Variants in NLRP8 observed in about 807,000 individuals in gnomAD.
NLRP8 encodes NLR family pyrin domain containing 8.
Under a neutral mutation model 88.7 loss-of-function variants are expected in NLRP8, and 86 were observed. That is an observed-to-expected ratio of 0.97 (90% confidence interval 0.81 to 1.16). NLRP8 has a LOEUF of 1.16. Among genes scored for constraint, NLRP8 ranks in the 50% most tolerant of loss-of-function variants. The probability of loss-of-function intolerance (pLI) is 0.00; values close to 1 mark genes in which losing one functional copy is unlikely to be tolerated. For synonymous variants in NLRP8, 504 were observed against 494.6 expected, an observed-to-expected ratio of 1.02 and a Z score of -0.25; for missense variants, 1,342 against 1,286.5, an observed-to-expected ratio of 1.04 and a Z score of -0.66.
Position 55,982,341 on chromosome 19 carries a change from T to C in NLRP8, c.3047+2777T>C, listed in dbSNP as rs1345771381. 3.3e-5 allele frequency among the ~76,000 whole-genome samples: 5 copies of C among 152,160 alleles called. 1 individual carries two copies. Among genetic ancestry groups the C allele is most frequent in the Non-Finnish European group, 5.9e-5 (4 of 68,032 alleles). ...AATCAGAGAGATATCTGCACTTCCA[T>C]GTTTATTGCAGCACTATTCACAATA... is the stretch of plus-strand genomic sequence containing the variant. On this transcript the variant is annotated intron_variant, in intron 9 of 9. Coordinates refer to ENST00000291971, the MANE Select transcript of NLRP8 (RefSeq NM_176811.2).
At chr19:55,984,318 A>T (rs972614187) in intron 9 of NLRP8, among the ~76,000 whole-genome samples, 1 of 152,132 alleles carries the variant, frequency 6.6e-6, no homozygotes, top group African/African-American at 2.4e-5. Context: ...AAAGCATAAA[A>T]TTTCTTTTAT....
chr19:55,949,691 G>C (rs1023167849), intron 1 of NLRP8, among the ~76,000 whole-genome samples: 1 of 151,972 alleles, frequency 6.6e-6, no homozygotes, highest in Non-Finnish European at 1.5e-5. Context: ...GATAGGAGCT[G>C]TGAACCCGCC....
chr19:55,957,175 C>T (rs1404791546), intron 3 of NLRP8, among the ~76,000 whole-genome samples: 1 of 152,140 alleles, frequency 6.6e-6, no homozygotes, highest in Non-Finnish European at 1.5e-5. Flanking sequence ...TGAAGACATC[C>T]TGAATCTGTC....
At chr19:55,976,098 T>C (rs1568467966) in intron 7 of NLRP8, 35 bp from the exon 8 acceptor site, 1 of 1,528,282 alleles carries the variant, frequency 6.5e-7, no homozygotes, top group Admixed American at 2.1e-5. Flanking sequence ...TTGTAGTTGT[T>C]GTTGTTGTTG....
intron 8 of NLRP8, among the ~76,000 whole-genome samples, chr19:55,978,916 T>G (rs1272745677): frequency 8.6e-5 from 13 of 151,842 alleles, no homozygotes; most frequent in Admixed American, 7.9e-4. Flanking sequence ...AGAGTGAGAC[T>G]CAGTCTCCAA....
chr19:55,947,913 T>C lies in NLRP8; in HGVS notation c.11T>C (p.Val4Ala). The C allele has an allele frequency of 1.9e-6, 3 of 1,610,722 alleles. No individual in the cohort carries two copies. Among genetic ancestry groups the C allele is most frequent in the Non-Finnish European group, 2.5e-6 (3 of 1,177,878 alleles). Residue 4 changes from valine (V) to alanine (A), a missense_variant, in exon 1 of 10, where the codon GTG becomes GCG. Transcript: ENST00000291971. Reference sequence around the variant, plus strand: ...CTGCCTTGACTAAAGATGAGTGACGTGAATCCACCCTCTGACACCCCCATT... The same window carrying C: ...CTGCCTTGACTAAAGATGAGTGACGCGAATCCACCCTCTGACACCCCCATT...
At chr19:55,967,590 T>A (rs1023458618) in intron 5 of NLRP8, among the ~76,000 whole-genome samples, 1 of 151,908 alleles carries the variant, frequency 6.6e-6, no homozygotes, top group African/African-American at 2.4e-5. Flanking sequence ...CTTTATCCAT[T>A]TGTCTGTTGA....
intron 2 of NLRP8, among the ~76,000 whole-genome samples, chr19:55,954,041 G>A (rs1979218141): frequency 6.6e-6 from 1 of 151,056 alleles, no homozygotes; most frequent in Admixed American, 6.6e-5. Context: ...GACCCCAAGT[G>A]ATCCACCATC....
At chr19:55,949,975 A>G (rs1255950599) in intron 1 of NLRP8, among the ~76,000 whole-genome samples, 1 of 152,214 alleles carries the variant, frequency 6.6e-6, no homozygotes, top group Non-Finnish European at 1.5e-5. Context: ...GACCTAACAC[A>G]GGAGGAAATA....
At chr19:55,979,605 A>G (rs1464714739) in intron 9 of NLRP8, 41 bp downstream of exon 9, 2 of 1,607,886 alleles carry the variant, frequency 1.2e-6, no homozygotes, top group Admixed American at 1.7e-5. Flanking sequence ...CCTACCACAC[A>G]AGAGAAGCTC....
At chr19:55,967,564 A>G (rs1281957742) in intron 5 of NLRP8, among the ~76,000 whole-genome samples, 1 of 152,208 alleles carries the variant, frequency 6.6e-6, no homozygotes, top group Non-Finnish European at 1.5e-5. Context: ...TCCATTGTGT[A>G]TATGTACCAC....
rs3055401 is a variant in NLRP8, at chr19:55,988,229, T to TA, written c.*327dup. The TA allele has an allele frequency of 4.4e-3, 661 of 151,076 alleles. 4 individuals carry two copies. Among genetic ancestry groups the TA allele is most frequent in the East Asian group, 0.015 (80 of 5,284 alleles). The allele number at this position is 151,076 out of a possible 1,614,324, so 9.4% of individuals were successfully genotyped here. On this transcript the variant is annotated 3_prime_UTR_variant, in exon 10 of 10. Transcript: ENST00000291971. The stretch of plus-strand genomic sequence containing the variant: ...CAACATGGTGAAACCCCGCCTCTAC[T>TA]AAAAAAAAAAATACAAAAAATTAGG...
In NLRP8 at chr19:55,954,909, T is replaced by C. The variant is rs773891559; in HGVS notation, c.851T>C (p.Leu284Pro). Residue 284 changes from leucine (L) to proline (P), a missense_variant, in exon 3 of 10, where the codon CTC (leucine) becomes CCC (proline). Transcript: ENST00000291971. ...TCCAAACCCGACCAACTTCTGCTGC[T>C]CTTGGATGGCTTTGAGGAGCTCACA... is the stretch of plus-strand genomic sequence containing the variant. The C allele has an allele frequency of 2.4e-5, 39 of 1,614,182 alleles. No individual in the cohort carries two copies. In the Middle Eastern group the frequency reaches 6.6e-4, roughly 27 times the overall value.
chr19:55,955,714 C>T lies in NLRP8; in HGVS notation c.1656C>T (p.Leu552=). ...GTCCCAGAGGAAGCAAAAGCTATCTCTCTCACATGGGACTTTTCTTATTCG... is the reference window on the plus strand; with the variant it reads ...GTCCCAGAGGAAGCAAAAGCTATCTTTCTCACATGGGACTTTTCTTATTCG... Residue 552 remains leucine (L), a synonymous_variant, in exon 3 of 10, where the codon CTC becomes CTT. Transcript: ENST00000291971. The T allele has an allele frequency of 1.2e-6, 2 of 1,614,072 alleles. No individual in the cohort carries two copies.
chr19:55,984,654 C>A (rs74718467), intron 9 of NLRP8, among the ~76,000 whole-genome samples: 1 of 129,174 alleles, frequency 7.7e-6, no homozygotes, highest in Admixed American at 7.8e-5. Context: ...AACACTGTCT[C>A]CAAAAAAAAA....
chr19:55,957,681 ATATATAT>A (rs1568460940), intron 3 of NLRP8, among the ~76,000 whole-genome samples: 51 of 2,750 alleles, frequency 0.019, 2 homozygotes, highest in Admixed American at 0.075. Flanking sequence ...AATTATATAT[ATATATAT>A]ATATATATAT....
chr19:55,984,673 AAC>A lies in NLRP8; in HGVS notation c.3048-3139_3048-3138del, dbSNP rs1237601149. Among the ~76,000 whole-genome samples the A allele has an allele frequency of 6.5e-3, 753 of 116,470 alleles. 19 individuals are homozygous for A. The highest frequency in any genetic ancestry group is 0.034 in the African/African-American group (680 of 19,838). 76.4% of individuals were successfully genotyped at this position (116,470 alleles called of 152,430 possible). On this transcript the variant is annotated intron_variant, in intron 9 of 9. Transcript: ENST00000291971. ...CTGTCTCCAAAAAAAAAAAAAAAAA[AAC>A]AACAGTTGTGCCATGGCCAGGCCCA...
intron 7 of NLRP8, among the ~76,000 whole-genome samples, chr19:55,974,555 T>C (rs1436201518): frequency 1.3e-5 from 2 of 151,796 alleles, no homozygotes; most frequent in Non-Finnish European, 1.5e-5. Context: ...GAGACCACAG[T>C]GAAACCCCGT....
At chr19:55,976,697 C>T (rs962870364) in intron 8 of NLRP8, among the ~76,000 whole-genome samples, 3 of 41,504 alleles carry the variant, frequency 7.2e-5, no homozygotes, top group African/African-American at 3.4e-4. Context: ...TATATATATA[C>T]ACATATATGT....
Sources: gnomAD v4.1 joint callset for allele counts (sites outside exome capture counted in the v4.1 genomes callset) on GRCh38, gnomAD v4.1.1 for gene constraint, MANE v1.5 for transcripts, NCBI Gene and HGNC (gene_info 2026-07-23, HGNC 2026-07-21) for gene names.